PTPRG: variants seen among roughly 807,000 people sequenced by gnomAD.
The protein encoded by PTPRG is receptor-type tyrosine-protein phosphatase gamma.
Under a neutral mutation model 165.3 loss-of-function variants are expected in PTPRG, and 102 were observed. The ratio of observed to expected loss-of-function variants is 0.62; its 90% CI spans 0.53 to 0.73. The LOEUF (loss-of-function observed/expected upper bound fraction) is 0.73. Ranked by LOEUF, PTPRG falls within the 30% of genes least tolerant of loss-of-function variation. The pLI is 0.00. For missense variants in PTPRG, 1,866 were observed against 1,861.4 expected (o/e 1.00, Z -0.05); for synonymous variants, 675 against 669.5 (o/e 1.01, Z -0.13).
intron 7 of PTPRG, among the ~76,000 whole-genome samples, chr3:62,157,502 C>T (rs1704581962): frequency 6.6e-6 from 1 of 152,200 alleles, no homozygotes; most frequent in African/African-American, 2.4e-5. Flanking sequence ...GTAATAATAG[C>T]TATCCTCAAT....
intron 2 of PTPRG, among the ~76,000 whole-genome samples, chr3:61,774,713 A>G (rs972203082): frequency 1.3e-5 from 2 of 152,250 alleles, no homozygotes; most frequent in Non-Finnish European, 2.9e-5. Context: ...GGATTAGTGC[A>G]TGCAGGCAGC....
At chr3:61,999,798 A>G (rs372495173) in intron 3 of PTPRG, among the ~76,000 whole-genome samples, 5 of 152,314 alleles carry the variant, frequency 3.3e-5, no homozygotes, top group African/African-American at 1.2e-4. Context: ...AATCTTGCTC[A>G]TGTTATTAAA....
chr3:61,601,972 C>T (rs887044502), intron 1 of PTPRG, among the ~76,000 whole-genome samples: 1 of 152,184 alleles, frequency 6.6e-6, no homozygotes, highest in African/African-American at 2.4e-5. Context: ...GCTGTTAGAG[C>T]GTTGCTGTCA....
chr3:62,102,888 T>G (rs12634734), intron 5 of PTPRG, among the ~76,000 whole-genome samples: 45,975 of 152,144 alleles, frequency 0.3, 7,258 homozygotes, highest in East Asian at 0.51. Flanking sequence ...ATCATCTAAA[T>G]TGAAGACTTA....
At chr3:62,269,233 T>G (rs1701980919) in intron 20 of PTPRG, 64 bp downstream of exon 20, 1 of 1,460,824 alleles carries the variant, frequency 6.8e-7, no homozygotes, top group African/African-American at 1.4e-5. Flanking sequence ...AAAATTACTG[T>G]ACAACCAAGG....
chr3:61,798,495 G>A (rs2035126743), intron 2 of PTPRG, among the ~76,000 whole-genome samples: 1 of 152,036 alleles, frequency 6.6e-6, no homozygotes, highest in African/African-American at 2.4e-5. Flanking sequence ...TGCTTCCTCT[G>A]AGACTTATAT....
At chr3:61,874,983 A>G (rs955296475) in intron 2 of PTPRG, among the ~76,000 whole-genome samples, 1 of 152,058 alleles carries the variant, frequency 6.6e-6, no homozygotes, top group African/African-American at 2.4e-5. Flanking sequence ...GTAGTCTACA[A>G]CTCCATCAGG....
chr3:62,131,215 T>C (rs899282875), intron 5 of PTPRG, among the ~76,000 whole-genome samples: 3 of 152,140 alleles, frequency 2.0e-5, no homozygotes, highest in African/African-American at 7.2e-5. Flanking sequence ...TTGATGTCAG[T>C]AGCCCCTCCC....
chr3:61,614,329 A>G (rs983239326), intron 1 of PTPRG, among the ~76,000 whole-genome samples: 11 of 151,472 alleles, frequency 7.3e-5, no homozygotes, highest in Non-Finnish European at 1.6e-4. Flanking sequence ...AACCAACCCT[A>G]TGACCTTGAG....
chr3:61,855,065 G>A (rs1262927375), intron 2 of PTPRG, among the ~76,000 whole-genome samples: 1 of 152,134 alleles, frequency 6.6e-6, no homozygotes, highest in Non-Finnish European at 1.5e-5. Flanking sequence ...GAAGGTGAAC[G>A]CAGTTACTGA....
intron 2 of PTPRG, among the ~76,000 whole-genome samples, chr3:61,755,450 C>T (rs1390127641): frequency 6.6e-6 from 1 of 152,156 alleles, no homozygotes; most frequent in Non-Finnish European, 1.5e-5. Flanking sequence ...CTCAGTCTCC[C>T]CTTTATTTAT....
chr3:62,172,028 C>A (rs1353969700), intron 8 of PTPRG, among the ~76,000 whole-genome samples: 2 of 152,158 alleles, frequency 1.3e-5, no homozygotes, highest in Non-Finnish European at 2.9e-5. Context: ...TTTGACTTAG[C>A]ATAATACTTT....
intron 2 of PTPRG, among the ~76,000 whole-genome samples, chr3:61,956,757 C>T (rs1241338390): frequency 6.6e-6 from 1 of 152,214 alleles, no homozygotes; most frequent in Non-Finnish European, 1.5e-5. Context: ...AGTACAATTA[C>T]ATACCTTTTG....
intron 6 of PTPRG, among the ~76,000 whole-genome samples, chr3:62,156,001 A>G (rs1576073220): frequency 1.3e-5 from 2 of 152,214 alleles, no homozygotes; most frequent in South Asian, 4.1e-4. Flanking sequence ...TGTAAATTCA[A>G]GACTAGATGT....
At chr3:61,601,690 C>G (rs975169039) in intron 1 of PTPRG, among the ~76,000 whole-genome samples, 2 of 152,078 alleles carry the variant, frequency 1.3e-5, no homozygotes, top group African/African-American at 4.8e-5. Context: ...ACAAAACCAA[C>G]AAATAATATC....
chr3:61,799,315 C>T (rs2035161936), intron 2 of PTPRG, among the ~76,000 whole-genome samples: 1 of 152,094 alleles, frequency 6.6e-6, no homozygotes, highest in South Asian at 2.1e-4. Flanking sequence ...CAGTACAAAG[C>T]CAGCCTTCCC....
intron 1 of PTPRG, among the ~76,000 whole-genome samples, chr3:61,704,110 CA>C (rs2031123817): frequency 6.6e-6 from 1 of 152,096 alleles, no homozygotes; most frequent in Admixed American, 6.6e-5. Context: ...AGGAGAGGCA[CA>C]AATTGGTTGT....
intron 2 of PTPRG, among the ~76,000 whole-genome samples, chr3:61,912,495 C>A (rs1458844520): frequency 6.6e-6 from 1 of 152,082 alleles, no homozygotes; most frequent in East Asian, 1.9e-4. Flanking sequence ...GACTTAATTA[C>A]CCTTTAATGT....
chr3:62,082,608 G>A (rs1701619431), intron 5 of PTPRG, among the ~76,000 whole-genome samples: 1 of 152,204 alleles, frequency 6.6e-6, no homozygotes, highest in African/African-American at 2.4e-5. Flanking sequence ...TCTTATTCAT[G>A]TGTTCACATC....
Sources: gnomAD v4.1 joint callset for allele counts (sites outside exome capture counted in the v4.1 genomes callset) on GRCh38, gnomAD v4.1.1 for gene constraint, MANE v1.5 for transcripts, NCBI Gene and HGNC (gene_info 2026-07-23, HGNC 2026-07-21) for gene names.